Variants in CNTN4 observed in about 807,000 individuals in gnomAD.
CNTN4 encodes the protein contactin 4.
In CNTN4, 77 loss-of-function variants were observed where a neutral mutation model predicts 122.5. That is an observed-to-expected ratio of 0.63 (90% confidence interval 0.52 to 0.76). CNTN4 has a LOEUF of 0.76. CNTN4 is among the 30% of genes least tolerant of loss of function. The probability of loss-of-function intolerance (pLI) is 0.00; values close to 1 mark genes in which losing one functional copy is unlikely to be tolerated. For synonymous variants in CNTN4, 512 were observed against 447.0 expected (o/e 1.15, Z -1.83); for missense variants, 1,256 against 1,259.1 (o/e 1.00, Z 0.04).
At chr3:2,151,800 C>T (rs2035505005) in intron 2 of CNTN4, among the ~76,000 whole-genome samples, 1 of 152,182 alleles carries the variant, frequency 6.6e-6, no homozygotes, top group South Asian at 2.1e-4. Flanking sequence ...CAGCCTGTGC[C>T]ACCTTGGGAC....
chr3:2,908,682 G>C (rs2094264541), intron 12 of CNTN4, among the ~76,000 whole-genome samples: 1 of 152,138 alleles, frequency 6.6e-6, no homozygotes. Context: ...GAAGTGGTGG[G>C]GGTCAAAAAT....
chr3:2,455,450 G>T (rs1016667879), intron 3 of CNTN4, among the ~76,000 whole-genome samples: 1 of 151,998 alleles, frequency 6.6e-6, no homozygotes, highest in African/African-American at 2.4e-5. Flanking sequence ...GGGAGAAAGT[G>T]GGTCTTGCTT....
chr3:2,228,795 G>C (rs115134238), intron 2 of CNTN4, among the ~76,000 whole-genome samples: 1,910 of 152,158 alleles, frequency 0.013, 21 homozygotes, highest in Middle Eastern at 0.027. Flanking sequence ...TTGAGAGTGA[G>C]ATTTTCTTCT....
chr3:3,057,547 A>G lies in CNTN4; in HGVS notation c.*1327A>G, dbSNP rs1210824393. On this transcript the variant is annotated 3_prime_UTR_variant, in exon 25 of 25. Transcript: ENST00000418658. ...CATAAAAGGCAATGGAATTTTCTATAAACATTTTCTCATGTAAACATGCTG... is the reference window on the plus strand; with the variant it reads ...CATAAAAGGCAATGGAATTTTCTATGAACATTTTCTCATGTAAACATGCTG... 1 of 152,660 alleles carries G rather than the reference A, an allele frequency of 6.6e-6. No homozygotes were observed. Among genetic ancestry groups the G allele is most frequent in the Non-Finnish European group, 1.5e-5 (1 of 68,032 alleles). 9.5% of individuals were successfully genotyped at this position (152,660 alleles called of 1,614,324 possible). A position where few individuals can be genotyped will look rare whatever the true frequency, so the allele number is the denominator to read the frequency against.
At chr3:2,509,007 A>C (rs1166824906) in intron 3 of CNTN4, among the ~76,000 whole-genome samples, 1 of 152,222 alleles carries the variant, frequency 6.6e-6, no homozygotes, top group Non-Finnish European at 1.5e-5. Flanking sequence ...AACAAGTGCA[A>C]ATCACATGAT....
At chr3:2,544,368 A>T (rs1156589152) in intron 3 of CNTN4, among the ~76,000 whole-genome samples, 1 of 152,100 alleles carries the variant, frequency 6.6e-6, no homozygotes, top group Non-Finnish European at 1.5e-5. Flanking sequence ...TTCTTAAACA[A>T]GCTTGGTCTC....
chr3:2,503,263 T>C (rs1418617258), intron 3 of CNTN4, among the ~76,000 whole-genome samples: 1 of 152,054 alleles, frequency 6.6e-6, no homozygotes, highest in Non-Finnish European at 1.5e-5. Flanking sequence ...CTGGATAGGA[T>C]TGAGGGATGC....
At chr3:3,041,373 A>G (rs989624481) in intron 20 of CNTN4, among the ~76,000 whole-genome samples, 1 of 152,202 alleles carries the variant, frequency 6.6e-6, no homozygotes, top group Non-Finnish European at 1.5e-5. Flanking sequence ...ATAGCCTTCA[A>G]CTTCTCTTAG....
chr3:2,835,194 C>G (rs1455298830), intron 7 of CNTN4, among the ~76,000 whole-genome samples: 2 of 152,002 alleles, frequency 1.3e-5, no homozygotes. Context: ...CATGAGCCAC[C>G]TCGCCCGGCA....
chr3:2,564,063 T>C (rs985736064), intron 3 of CNTN4, among the ~76,000 whole-genome samples: 3 of 152,114 alleles, frequency 2.0e-5, no homozygotes, highest in East Asian at 1.9e-4. Context: ...ATTAAGAGAG[T>C]TGAATATCAT....
chr3:2,155,461 C>A (rs2035678576), intron 2 of CNTN4, among the ~76,000 whole-genome samples: 1 of 152,066 alleles, frequency 6.6e-6, no homozygotes, highest in African/African-American at 2.4e-5. Flanking sequence ...AGGGCACCTA[C>A]AACAATCTAT....
intron 3 of CNTN4, among the ~76,000 whole-genome samples, chr3:2,529,388 A>C (rs1351092000): frequency 6.6e-6 from 1 of 152,122 alleles, no homozygotes; most frequent in Non-Finnish European, 1.5e-5. Flanking sequence ...TACCTTGGCT[A>C]TTGTGAATAT....
At chr3:2,131,573 A>G (rs1415992935) in intron 2 of CNTN4, among the ~76,000 whole-genome samples, 2 of 152,180 alleles carry the variant, frequency 1.3e-5, no homozygotes, top group African/African-American at 4.8e-5. Context: ...ATCCAGCATG[A>G]TGGAGCAGTG....
rs533567541 is a variant in CNTN4 at position 2,950,102 on chromosome 3, A to G, written c.1358+24323A>G. On this transcript the variant is annotated intron_variant, in intron 13 of 24. Transcript: ENST00000418658. ...TGATTAAGTACCTTATCCATGACTA[A>G]TGGAGTTGTCGAACATGTGGACTTG... Among the ~76,000 whole-genome samples the G allele has an allele frequency of 2.6e-5, 4 of 152,328 alleles. No individual in the cohort carries two copies. In the East Asian group the frequency reaches 7.7e-4, roughly 29 times the overall value.
intron 5 of CNTN4, among the ~76,000 whole-genome samples, chr3:2,743,216 C>T (rs2089560419): frequency 6.6e-6 from 1 of 152,034 alleles, no homozygotes; most frequent in Non-Finnish European, 1.5e-5. Context: ...TATTAAATTG[C>T]TCTACTATCA....
chr3:2,941,677 G>A (rs973687864), intron 13 of CNTN4, among the ~76,000 whole-genome samples: 1 of 152,078 alleles, frequency 6.6e-6, no homozygotes, highest in Non-Finnish European at 1.5e-5. Context: ...CCGACGCGTC[G>A]CTCTGCTTCT....
intron 3 of CNTN4, among the ~76,000 whole-genome samples, chr3:2,355,118 G>C (rs9872070): frequency 0.088 from 13,322 of 152,200 alleles, 983 homozygotes; most frequent in African/African-American, 0.2. Context: ...TAACATCCTT[G>C]AATTATGCGC....
chr3:3,016,674 A>G (rs1051960502), intron 14 of CNTN4, among the ~76,000 whole-genome samples: 2 of 152,168 alleles, frequency 1.3e-5, no homozygotes, highest in African/African-American at 4.8e-5. Flanking sequence ...TAGGTGCTTT[A>G]TGCTACACAT....
At chr3:2,612,042 A>G (rs969235115) in intron 4 of CNTN4, among the ~76,000 whole-genome samples, 2 of 151,922 alleles carry the variant, frequency 1.3e-5, no homozygotes, top group African/African-American at 4.8e-5. Context: ...GGTAAAAATA[A>G]CACATGCTTT....
Sources: allele counts gnomAD v4.1 joint callset (sites outside exome capture counted in the v4.1 genomes callset), GRCh38; gene constraint gnomAD v4.1.1; transcripts MANE v1.5; gene names NCBI Gene and HGNC (gene_info 2026-07-23, HGNC 2026-07-21).